The following UIMC1 variants were observed in gnomAD, a reference collection of about 807,000 sequenced individuals.
The protein encoded by UIMC1 is BRCA1-A complex subunit RAP80.
A neutral mutation model predicts 84.9 loss-of-function variants in UIMC1; 42 were observed. The ratio of observed to expected loss-of-function variants is 0.49; its 90% CI spans 0.39 to 0.64. The LOEUF (loss-of-function observed/expected upper bound fraction) is 0.64. Ranked by LOEUF, UIMC1 falls within the 30% of genes least tolerant of loss-of-function variation. The pLI is 0.00. For synonymous variants in UIMC1, 281 were observed against 293.0 expected, an observed-to-expected ratio of 0.96 and a Z score of 0.42; for missense variants, 825 against 847.6, an observed-to-expected ratio of 0.97 and a Z score of 0.33.
At chr5:176,930,484 T>C (rs1323780778) in intron 10 of UIMC1, among the ~76,000 whole-genome samples, 2 of 152,206 alleles carry the variant, frequency 1.3e-5, no homozygotes, top group Non-Finnish European at 2.9e-5. Flanking sequence ...GCTTCCTCTT[T>C]TATAAGTGAA....
intron 1 of UIMC1, among the ~76,000 whole-genome samples, chr5:176,984,038 C>T (rs1301794269): frequency 8.5e-6 from 1 of 117,862 alleles, no homozygotes; most frequent in Non-Finnish European, 1.9e-5. Flanking sequence ...TGCCCGGCCG[C>T]CCCGTCTGGG....
intron 1 of UIMC1, among the ~76,000 whole-genome samples, chr5:176,982,956 C>T (rs1771279150): frequency 6.6e-6 from 1 of 152,168 alleles, no homozygotes; most frequent in Non-Finnish European, 1.5e-5. Flanking sequence ...GTGTCAGCCT[C>T]CCATAGTGCT....
intron 10 of UIMC1, among the ~76,000 whole-genome samples, chr5:176,935,862 CT>C (rs1763655844): frequency 6.6e-6 from 1 of 152,160 alleles, no homozygotes; most frequent in African/African-American, 2.4e-5. Flanking sequence ...CTACCTCCTC[CT>C]ACCTACCCAC....
At chr5:177,000,423 T>C (rs1406582222) in intron 1 of UIMC1, among the ~76,000 whole-genome samples, 3 of 152,092 alleles carry the variant, frequency 2.0e-5, no homozygotes, top group African/African-American at 4.8e-5. Context: ...TATTTCACTG[T>C]AGTTGTGACT....
intron 5 of UIMC1, 78 bp from the exon 6 acceptor site, chr5:176,969,369 G>C: frequency 1.3e-6 from 2 of 1,511,014 alleles, no homozygotes; most frequent in South Asian, 2.7e-5. Flanking sequence ...CACTTACCAA[G>C]AATTACATAA....
intron 1 of UIMC1, among the ~76,000 whole-genome samples, chr5:177,013,080 CAA>C (rs35280210): frequency 4.0e-4 from 53 of 131,392 alleles, no homozygotes; most frequent in Admixed American, 1.4e-3. Flanking sequence ...GATCTTGTAT[CAA>C]AAAAAAAAAA....
intron 6 of UIMC1, among the ~76,000 whole-genome samples, chr5:176,966,060 T>C (rs1257997588): frequency 6.6e-6 from 1 of 152,232 alleles, no homozygotes; most frequent in Non-Finnish European, 1.5e-5. Context: ...TTTGCTGATA[T>C]ACCTTCAGAA....
chr5:176,969,131 C>T lies in UIMC1; in HGVS notation c.624G>A (p.Val208=), dbSNP rs773619976. 7 of 1,614,214 alleles carry T rather than the reference C, an allele frequency of 4.3e-6. No individual in the cohort carries two copies. In the Admixed American group the frequency reaches 1.2e-4, roughly 27 times the overall value. The change falls in exon 6 of 15, where the codon GTG becomes GTA. Residue 208 remains valine, a synonymous_variant. Transcript: ENST00000511320. The part of the protein sequence containing the change: ...SGSWDQSSQP[V]FENVNVKSFD... ...AAGATTTAACGTTCACATTCTCAAA[C>T]ACTGGCTGGCTTGACTGGTCCCAGC...
intron 13 of UIMC1, 114 bp from the exon 14 acceptor site, chr5:176,906,161 G>A (rs911547254): frequency 2.1e-6 from 2 of 961,028 alleles, no homozygotes; most frequent in African/African-American, 3.2e-5. Context: ...GGCCTATCCA[G>A]GTAGCACAGA....
At chr5:176,921,338 AT>A (rs1761683729) in intron 10 of UIMC1, among the ~76,000 whole-genome samples, 1 of 152,030 alleles carries the variant, frequency 6.6e-6, no homozygotes, top group Admixed American at 6.6e-5. Flanking sequence ...TGAAACATCA[AT>A]TTTTCCCTCT....
intron 3 of UIMC1, among the ~76,000 whole-genome samples, chr5:176,971,227 T>C (rs1406021453): frequency 6.6e-6 from 1 of 152,248 alleles, no homozygotes; most frequent in Non-Finnish European, 1.5e-5. Flanking sequence ...AGCTTTTTGC[T>C]AAATACCGCA....
At chr5:176,958,318 G>A (rs544363423) in intron 6 of UIMC1, among the ~76,000 whole-genome samples, 164 bp from the exon 7 acceptor site, 2 of 152,320 alleles carry the variant, frequency 1.3e-5, no homozygotes, top group Admixed American at 1.3e-4. Context: ...AGCACATCCT[G>A]TAAAGTCAGA....
At chr5:176,978,929 C>T (rs1205623768) in intron 2 of UIMC1, among the ~76,000 whole-genome samples, 1 of 151,974 alleles carries the variant, frequency 6.6e-6, no homozygotes, top group Non-Finnish European at 1.5e-5. Context: ...TAGTATCAAT[C>T]AACATTATTC....
intron 9 of UIMC1, among the ~76,000 whole-genome samples, chr5:176,948,795 A>C (rs1765455250): frequency 6.6e-6 from 1 of 152,184 alleles, no homozygotes; most frequent in Non-Finnish European, 1.5e-5. Flanking sequence ...GCAATGCTCG[A>C]GCTCCTTGTA....
At chr5:176,984,555 C>T (rs1016538260) in intron 1 of UIMC1, among the ~76,000 whole-genome samples, 45 of 151,408 alleles carry the variant, frequency 3.0e-4, no homozygotes, top group African/African-American at 1.0e-3. Flanking sequence ...TGCCTCTGCC[C>T]GGCCGCCCCA....
chr5:176,969,639 G>C lies in UIMC1; in HGVS notation c.425C>G (p.Ser142Cys). 1.2e-6 allele frequency: 2 copies of C among 1,614,142 alleles called. No homozygotes were observed. The highest frequency in any genetic ancestry group is 8.5e-7 in the Non-Finnish European group (1 of 1,180,032). Residue 142 changes from serine to cysteine, a missense_variant, in exon 5 of 15, where the codon TCC (serine) becomes TGC (cysteine). Transcript: ENST00000511320. ...RPLATGPSSQSHQEKTTDSGL... is the reference protein window; with the variant it reads ...RPLATGPSSQCHQEKTTDSGL... ...AGAGTCTGTGGTTTTCTCTTGATGG[G>C]ACTGGGAAGACGGTCCAGTGGCCAG...
intron 10 of UIMC1, among the ~76,000 whole-genome samples, 177 bp downstream of exon 10, chr5:176,943,158 C>G (rs1764654323): frequency 6.6e-6 from 1 of 152,082 alleles, no homozygotes. Flanking sequence ...AAAATACCTG[C>G]TAAAAGTAAT....
At chr5:176,973,447 A>T (rs1769569085) in intron 3 of UIMC1, among the ~76,000 whole-genome samples, 1 of 151,930 alleles carries the variant, frequency 6.6e-6, no homozygotes, top group Non-Finnish European at 1.5e-5. Flanking sequence ...ACCTCAGGAG[A>T]GTAACAATGA....
At position 176,923,842 on chromosome 5, in the gene UIMC1, C is replaced by A. The variant is rs1561744612; in HGVS notation, c.1598-12453G>T. ...TTGTGCCACTGCACTCCAGCCTGGGCAACAGAGCAAGACTCTGTCTCAAAA... is the reference window on the plus strand; with the variant it reads ...TTGTGCCACTGCACTCCAGCCTGGGAAACAGAGCAAGACTCTGTCTCAAAA... On this transcript the variant is annotated intron_variant, in intron 10 of 14. Transcript: ENST00000511320. Among the ~76,000 whole-genome samples the A allele has an allele frequency of 2.9e-5, 4 of 137,980 alleles. No individual in the cohort carries two copies. The Middle Eastern group carries it at 0.012, about 428-fold the overall frequency. The allele number at this position is 137,980 out of a possible 152,430, so 90.5% of individuals were successfully genotyped here. A position where few individuals can be genotyped will look rare whatever the true frequency, so the allele number is the denominator to read the frequency against.
Sources: allele counts gnomAD v4.1 joint callset (sites outside exome capture counted in the v4.1 genomes callset), GRCh38; gene constraint gnomAD v4.1.1; transcripts MANE v1.5; gene names NCBI Gene and HGNC (gene_info 2026-07-23, HGNC 2026-07-21).